Variants in FOXP2 observed in about 807,000 individuals in gnomAD.
The protein encoded by FOXP2 is forkhead box P2.
Under a neutral mutation model 115.8 loss-of-function variants are expected in FOXP2, and 12 were observed. The ratio of observed to expected loss-of-function variants is 0.10; its 90% CI spans 0.07 to 0.17. The LOEUF (loss-of-function observed/expected upper bound fraction) is 0.17, where lower values mean the gene tolerates loss of function less well. Among genes scored for constraint, FOXP2 ranks in the 10% least tolerant of loss-of-function variants. FOXP2 has a pLI of 1.00. For missense variants in FOXP2, 629 were observed against 843.5 expected, an observed-to-expected ratio of 0.75 and a Z score of 3.15; for synonymous variants, 328 against 297.7, an observed-to-expected ratio of 1.10 and a Z score of -1.05.
intron 1 of FOXP2, among the ~76,000 whole-genome samples, chr7:114,201,409 C>CTA (rs1366438019): frequency 3.3e-5 from 5 of 152,098 alleles, no homozygotes; most frequent in African/African-American, 1.2e-4. Flanking sequence ...CTTCAGTGAG[C>CTA]TATGTTCATT....
intron 2 of FOXP2, among the ~76,000 whole-genome samples, chr7:114,432,752 C>T (rs527770460): frequency 1.3e-5 from 2 of 151,506 alleles, no homozygotes; most frequent in East Asian, 1.9e-4. Context: ...TTCAGTAATC[C>T]CTAAAGAAGT....
At chr7:114,524,013 A>G (rs1281036688) in intron 2 of FOXP2, among the ~76,000 whole-genome samples, 1 of 152,184 alleles carries the variant, frequency 6.6e-6, no homozygotes, top group East Asian at 1.9e-4. Flanking sequence ...GCAAGTAAAA[A>G]TAGAAGTAAA....
intron 2 of FOXP2, among the ~76,000 whole-genome samples, chr7:114,487,750 A>T (rs1045743698): frequency 6.6e-6 from 1 of 152,188 alleles, no homozygotes; most frequent in Non-Finnish European, 1.5e-5. Context: ...CCTTTGCTCC[A>T]GTTCCCAACA....
chr7:114,175,362 T>C (rs896306790), intron 1 of FOXP2, among the ~76,000 whole-genome samples: 5 of 152,210 alleles, frequency 3.3e-5, no homozygotes, highest in Non-Finnish European at 7.4e-5. Flanking sequence ...TTTTGTGGAG[T>C]TGACAACTCG....
intron 3 of FOXP2, among the ~76,000 whole-genome samples, chr7:114,591,299 T>C (rs550539154): frequency 1.3e-5 from 2 of 152,284 alleles, no homozygotes; most frequent in East Asian, 3.9e-4. Context: ...TGTAACACAG[T>C]AACTGTATTG....
intron 2 of FOXP2, among the ~76,000 whole-genome samples, chr7:114,513,150 A>G (rs1798160438): frequency 6.6e-6 from 1 of 152,170 alleles, no homozygotes; most frequent in Admixed American, 6.6e-5. Context: ...CTCTAGGACT[A>G]CTTTCATAAT....
chr7:114,689,870 G>C lies in FOXP2; in HGVS notation c.2092G>C (p.Glu698Gln). ...AGTGACAACAGCTAATCACAGTCCA[G>C]AATTAGAAGACGACAGAGAGATTGA... ...SLVTTANHSPELEDDREIEEE... is the reference protein window; with the variant it reads ...SLVTTANHSPQLEDDREIEEE... Residue 698 changes from glutamate to glutamine, a missense_variant, in exon 17 of 17, where the codon GAA (glutamate) becomes CAA (glutamine). Physicochemically the swap from Glu to Gln is conservative, Grantham distance 29 (BLOSUM62 2). This residue lies in a region of FOXP2 where 117 missense variants were observed against 112.3 expected (regional missense o/e 1.04). Coordinates refer to ENST00000350908, the MANE Select transcript of FOXP2 (RefSeq NM_014491.4). 1 of 1,613,500 alleles carries C rather than the reference G, an allele frequency of 6.2e-7. No homozygotes were observed. Among genetic ancestry groups the C allele is most frequent in the East Asian group, 2.2e-5 (1 of 44,846 alleles).
At chr7:114,596,655 G>A (rs75915700) in intron 3 of FOXP2, among the ~76,000 whole-genome samples, 132 of 151,938 alleles carry the variant, frequency 8.7e-4, no homozygotes, top group Admixed American at 2.4e-3. Flanking sequence ...AATTCTTTTC[G>A]GCATCTTGAA....
chr7:114,474,619 C>T (rs993862256), intron 2 of FOXP2, among the ~76,000 whole-genome samples: 9 of 152,108 alleles, frequency 5.9e-5, no homozygotes, highest in Non-Finnish European at 1.0e-4. Context: ...AGTAACAAAA[C>T]ATAAGATTTA....
intron 1 of FOXP2, among the ~76,000 whole-genome samples, chr7:114,424,802 G>T (rs945596463): frequency 6.6e-6 from 1 of 151,096 alleles, no homozygotes; most frequent in African/African-American, 2.4e-5. Flanking sequence ...TTCTGCTCAT[G>T]TTTTCTGTTG....
intron 3 of FOXP2, among the ~76,000 whole-genome samples, chr7:114,556,892 C>T (rs1209802343): frequency 6.6e-6 from 1 of 152,100 alleles, no homozygotes; most frequent in Non-Finnish European, 1.5e-5. Context: ...AAATTAGTAA[C>T]TTTAAAGATC....
intron 1 of FOXP2, among the ~76,000 whole-genome samples, chr7:114,136,979 C>T (rs984889153): frequency 6.6e-6 from 1 of 151,936 alleles, no homozygotes; most frequent in African/African-American, 2.4e-5. Context: ...ATGTAGACTC[C>T]ATTTATATAA....
chr7:114,323,842 C>A (rs1214497175), intron 2 of FOXP2, among the ~76,000 whole-genome samples: 5 of 151,904 alleles, frequency 3.3e-5, no homozygotes, highest in African/African-American at 1.2e-4. Flanking sequence ...GGCTTCACAG[C>A]TATTATAACT....
At chr7:114,337,290 C>G (rs1797875608) in intron 2 of FOXP2, among the ~76,000 whole-genome samples, 1 of 151,176 alleles carries the variant, frequency 6.6e-6, no homozygotes, top group South Asian at 2.1e-4. Context: ...CAGTACGTAG[C>G]AGGTATGAAT....
chr7:114,474,121 C>T (rs557368193), intron 2 of FOXP2, among the ~76,000 whole-genome samples: 1 of 152,186 alleles, frequency 6.6e-6, no homozygotes, highest in Non-Finnish European at 1.5e-5. Flanking sequence ...AGATTGCATA[C>T]TGGCATATGT....
intron 1 of FOXP2, among the ~76,000 whole-genome samples, chr7:114,219,520 G>A (rs1401001574): frequency 6.6e-6 from 1 of 152,024 alleles, no homozygotes; most frequent in Non-Finnish European, 1.5e-5. Context: ...CACTTTAAAC[G>A]ACCTACTTTA....
chr7:114,192,037 C>T (rs1024215029), intron 1 of FOXP2, among the ~76,000 whole-genome samples: 2 of 151,990 alleles, frequency 1.3e-5, no homozygotes, highest in Non-Finnish European at 2.9e-5. Flanking sequence ...TCCTTGGTTC[C>T]AGCAATTCTC....
At chr7:114,148,136 C>T (rs949856975) in intron 1 of FOXP2, among the ~76,000 whole-genome samples, 3 of 152,134 alleles carry the variant, frequency 2.0e-5, no homozygotes, top group Non-Finnish European at 4.4e-5. Context: ...AAAGCCCCAC[C>T]GATGTAGATC....
chr7:114,139,184 C>G (rs1370418542), intron 1 of FOXP2, among the ~76,000 whole-genome samples: 1 of 152,038 alleles, frequency 6.6e-6, no homozygotes, highest in Admixed American at 6.6e-5. Flanking sequence ...TTAAAATCAA[C>G]TTTTTGGTAG....
Sources: allele counts gnomAD v4.1 joint callset (sites outside exome capture counted in the v4.1 genomes callset), GRCh38; gene constraint gnomAD v4.1.1; regional missense constraint gnomAD v4.1.1; transcripts MANE v1.5; gene names NCBI Gene and HGNC (gene_info 2026-07-23, HGNC 2026-07-21).